SZT2: variants seen among roughly 807,000 people sequenced by gnomAD.
The protein encoded by SZT2 is SZT2 subunit of KICSTOR complex.
Under a neutral mutation model 404.2 loss-of-function variants are expected in SZT2, and 216 were observed. The observed-to-expected ratio is 0.53, with a 90% CI of 0.48 to 0.60. SZT2 has a LOEUF of 0.60. Ranked by LOEUF, SZT2 falls within the 20% of genes least tolerant of loss-of-function variation. SZT2 has a pLI of 0.00. For synonymous variants in SZT2, 1,693 were observed against 1,749.9 expected, an observed-to-expected ratio of 0.97 and a Z score of 0.81; for missense variants, 3,857 against 4,459.2, an observed-to-expected ratio of 0.86 and a Z score of 3.85.
In SZT2 at chr1:43,426,325, C is replaced by A; in HGVS notation, c.3044-43C>A. 1 of 1,512,004 alleles carries A rather than the reference C, an allele frequency of 6.6e-7. No individual in the cohort carries two copies. Among genetic ancestry groups the A allele is most frequent in the Non-Finnish European group, 8.9e-7 (1 of 1,129,766 alleles). 93.7% of individuals were successfully genotyped at this position (1,512,004 alleles called of 1,614,324 possible). ...TCAGGGCTGAGCCGGGGGCACCGGG[C>A]AGCAGGAGGCTCTTGGTGCTGAGCA... On this transcript the variant is annotated intron_variant, in intron 21 of 71. Transcript: ENST00000634258. This position sits in a 1 kb window ranked among gnomAD's most constrained non-coding sequence, Gnocchi z 4.9.
In SZT2 at chr1:43,446,165, T is replaced by G; in HGVS notation, c.8917-14T>G. 1.9e-6 allele frequency: 3 copies of G among 1,614,184 alleles called. No individual in the cohort carries two copies. Among genetic ancestry groups the G allele is most frequent in the Non-Finnish European group, 2.5e-6 (3 of 1,180,028 alleles). On this transcript the variant is annotated splice_polypyrimidine_tract_variant and intron_variant, in intron 63 of 71. Transcript: ENST00000634258. ...GTGAGCCCCCAAACCTTGCCCCCTT[T>G]TTTGTTTCTTCAGAGCACTAGCTCT...
intron 4 of SZT2, chr1:43,411,982 G>A (rs1033540768): frequency 3.9e-5 from 6 of 151,986 alleles, no homozygotes; most frequent in Non-Finnish European, 8.8e-5. Flanking sequence ...GTTTTACCAT[G>A]TTGGCCAGGC....
At position 43,438,918 on chromosome 1, in the gene SZT2, C is replaced by A. The variant is rs769736159; in HGVS notation, c.6628-11C>A. The A allele has an allele frequency of 6.2e-7, 1 of 1,614,142 alleles. No homozygotes were observed. The highest frequency in any genetic ancestry group is 8.5e-7 in the Non-Finnish European group (1 of 1,180,014). On this transcript the variant is annotated splice_polypyrimidine_tract_variant and intron_variant, in intron 47 of 71. Coordinates refer to ENST00000634258, the MANE Select transcript of SZT2 (RefSeq NM_001365999.1). ...TGCATTCAGCTCTGCCCTCTTCTTC[C>A]CACTCTGCAGTTCATCCAGCCCCCT...
rs1446077106 is a variant in SZT2, at chr1:43,426,901, C to A, written c.3309+92C>A. 1 of 1,553,292 alleles carries A rather than the reference C, an allele frequency of 6.4e-7. No individual in the cohort carries two copies. The highest frequency in any genetic ancestry group is 1.7e-5 in the Admixed American group (1 of 57,662). ...CCCCAACCTTCTACCGCCCTTGAGA[C>A]TAAATGGCATCTGCCAATGACACAA... On this transcript the variant is annotated intron_variant, in intron 23 of 71. Coordinates refer to ENST00000634258, the MANE Select transcript of SZT2 (RefSeq NM_001365999.1). This position sits in a 1 kb window ranked among gnomAD's most constrained non-coding sequence, Gnocchi z 4.9.
At chr1:43,428,696 C>G in intron 28 of SZT2, 1 of 623,296 alleles carries the variant, frequency 1.6e-6, no homozygotes, top group South Asian at 2.0e-5. Flanking sequence ...CTCCCCATCT[C>G]CCCTGCTTTG....
At chr1:43,446,631 G>C (rs776561212) in intron 65 of SZT2, 1 of 653,634 alleles carries the variant, frequency 1.5e-6, no homozygotes, top group South Asian at 1.9e-5. Flanking sequence ...AGCGTGTTCA[G>C]CTGTAGCCCT....
At chr1:43,392,834 T>C (rs1648563104) in intron 1 of SZT2, among the ~76,000 whole-genome samples, 2 of 152,194 alleles carry the variant, frequency 1.3e-5, no homozygotes, top group Non-Finnish European at 2.9e-5. Flanking sequence ...GCTGTTAGGA[T>C]CCCAAGAGAG....
chr1:43,453,671 G>T lies in SZT2; in HGVS notation c.*3191G>T. The stretch of plus-strand genomic sequence containing the variant: ...GCGCCAGCGCCTCAGGCGTCTCCGC[G>T]TACGGCCAGGCCACCTCGACGGCCT... On this transcript the variant is annotated 3_prime_UTR_variant, in exon 72 of 72. Transcript: ENST00000634258. The T allele has an allele frequency of 4.7e-6, 7 of 1,480,178 alleles. No individual in the cohort carries two copies. Among genetic ancestry groups the T allele is most frequent in the Non-Finnish European group, 6.2e-6 (7 of 1,123,748 alleles). 91.7% of individuals were successfully genotyped at this position (1,480,178 alleles called of 1,614,324 possible).
rs769417009 is a variant in SZT2 at position 43,421,267 on chromosome 1, G to A, written c.1590G>A (p.Val530=). 3 of 1,598,576 alleles carry A rather than the reference G, an allele frequency of 1.9e-6. No homozygotes were observed. Among genetic ancestry groups the A allele is most frequent in the Non-Finnish European group, 2.5e-6 (3 of 1,179,810 alleles). Residue 530 remains valine (V), a synonymous_variant, in exon 11 of 72, where the codon GTG becomes GTA. Coordinates refer to ENST00000634258, the MANE Select transcript of SZT2 (RefSeq NM_001365999.1). ...FTLPDSTKSG[V]PLFYIPPGST... is the part of the protein sequence containing the mutation. ...TTCCTGACAGCACCAAGAGCGGAGT[G>A]CCACTCTTCTACATCCCTCCAGGCT...
intron 51 of SZT2, 90 bp downstream of exon 51, chr1:43,440,138 A>AGGG: frequency 6.5e-7 from 1 of 1,542,450 alleles, no homozygotes; most frequent in Non-Finnish European, 8.8e-7. Flanking sequence ...GGTGGGGTTT[A>AGGG]GGGGAAGCAT....
chr1:43,451,558 TGGA>T lies in SZT2; in HGVS notation c.*1079_*1081del, dbSNP rs1656424304. On this transcript the variant is annotated 3_prime_UTR_variant, in exon 72 of 72. Coordinates refer to ENST00000634258, the MANE Select transcript of SZT2 (RefSeq NM_001365999.1). ...CCTGCACATGCCCTGGGGACAGATG[TGGA>T]CAAATGTGGGGTCCAGGCTCCTGCC... is the stretch of plus-strand genomic sequence containing the variant. 17 of 1,613,342 alleles carry T rather than the reference TGGA, an allele frequency of 1.1e-5. No homozygotes were observed. Among genetic ancestry groups the T allele is most frequent in the Non-Finnish European group, 1.4e-5 (16 of 1,179,600 alleles).
In SZT2 at chr1:43,442,832, T is replaced by C. The variant is rs758739570; in HGVS notation, c.8165T>C (p.Phe2722Ser). ...TCCATCTCTCAGGAGCCAAACCCAT[T>C]CCTGCTGCCGACCATGGAAGTGGAG... is the stretch of plus-strand genomic sequence containing the variant. ...PVRDEKEPNP[F>S]LLPTMEVETL... is the part of the protein sequence containing the mutation. Residue 2722 changes from phenylalanine (F) to serine (S), a missense_variant, in exon 59 of 72, where the codon TTC becomes TCC. Transcript: ENST00000634258. The surrounding 1 kb of genome is among the most constrained non-coding windows in gnomAD (Gnocchi z 4.5). The C allele has an allele frequency of 6.2e-5, 100 of 1,604,582 alleles. No individual in the cohort carries two copies. Among genetic ancestry groups the C allele is most frequent in the Non-Finnish European group, 8.1e-5 (95 of 1,174,768 alleles).
chr1:43,421,075 G>A, intron 10 of SZT2, 92 bp downstream of exon 10: 1 of 1,594,890 alleles, frequency 6.3e-7, no homozygotes, highest in Non-Finnish European at 8.5e-7. Context: ...ATCACCCAGA[G>A]AACCAGGCTT....
At position 43,426,656 on chromosome 1, in the gene SZT2, C is replaced by G; in HGVS notation, c.3215-59C>G. 5 of 1,527,422 alleles carry G rather than the reference C, an allele frequency of 3.3e-6. No individual in the cohort carries two copies. The highest frequency in any genetic ancestry group is 4.4e-6 in the Non-Finnish European group (5 of 1,126,804). The allele number at this position is 1,527,422 out of a possible 1,614,324, so 94.6% of individuals were successfully genotyped here. On this transcript the variant is annotated intron_variant, in intron 22 of 71. Transcript: ENST00000634258. The surrounding 1 kb of genome is among the most constrained non-coding windows in gnomAD (Gnocchi z 4.9). The stretch of plus-strand genomic sequence containing the variant: ...CCCCTTCCTCCCCCTTTCTTCAACC[C>G]AGAGTCCCGCCTCTCTGCTGGCCCT...
At position 43,441,829 on chromosome 1, in the gene SZT2, A is replaced by C. The variant is rs775149011; in HGVS notation, c.7742+11A>C. ...CTTTGAGCAGCATTTGTGAGTGTAGATCCTATAGAATTGAAGGGAACTCCC... is the reference window on the plus strand; with the variant it reads ...CTTTGAGCAGCATTTGTGAGTGTAGCTCCTATAGAATTGAAGGGAACTCCC... On this transcript the variant is annotated intron_variant, in intron 55 of 71. Coordinates refer to ENST00000634258, the MANE Select transcript of SZT2 (RefSeq NM_001365999.1). This position sits in a 1 kb window ranked among gnomAD's most constrained non-coding sequence, Gnocchi z 4.8. 1 of 1,613,672 alleles carries C rather than the reference A, an allele frequency of 6.2e-7. No individual in the cohort carries two copies.
At position 43,439,919 on chromosome 1, in the gene SZT2, G is replaced by GA; in HGVS notation, c.7085dup (p.Asn2364GlufsTer3). On this transcript the variant is annotated frameshift_variant, in exon 51 of 72. Transcript: ENST00000634258. LOFTEE classifies it high-confidence loss of function. This position sits in a 1 kb window ranked among gnomAD's most constrained non-coding sequence, Gnocchi z 4.2. ...CCCACGGCTTCGATTGGATGTGTGG[G>GA]AAAAGGGGAACATTAGTATTGTGCA... is the stretch of plus-strand genomic sequence containing the variant. 6.2e-7 allele frequency: 1 copy of GA among 1,611,168 alleles called. No individual in the cohort carries two copies. Among genetic ancestry groups the GA allele is most frequent in the Non-Finnish European group, 8.5e-7 (1 of 1,178,406 alleles).
At position 43,420,685 on chromosome 1, in the gene SZT2, G is replaced by A; in HGVS notation, c.1262-64G>A. The A allele has an allele frequency of 1.3e-6, 2 of 1,488,916 alleles. No homozygotes were observed. Among genetic ancestry groups the A allele is most frequent in the South Asian group, 2.3e-5 (2 of 85,476 alleles). 92.2% of individuals were successfully genotyped at this position (1,488,916 alleles called of 1,614,324 possible). On this transcript the variant is annotated intron_variant, in intron 9 of 71. Transcript: ENST00000634258. The surrounding 1 kb of genome is among the most constrained non-coding windows in gnomAD (Gnocchi z 5.1). ...ATGAGGTAGGTGGGGGTTTCAGATAGAACTCGATCCCAGGCCTAGAGTCCT... is the reference window on the plus strand; with the variant it reads ...ATGAGGTAGGTGGGGGTTTCAGATAAAACTCGATCCCAGGCCTAGAGTCCT...
rs1426817781 is a variant in SZT2, at chr1:43,433,071, T to A, written c.5685T>A (p.Thr1895=). The change falls in exon 40 of 72, where the codon ACT becomes ACA. Residue 1895 remains threonine, a synonymous_variant. Coordinates refer to ENST00000634258, the MANE Select transcript of SZT2 (RefSeq NM_001365999.1). ...AGAAGGCCCCCTTCACATTGCGGAC[T>A]CCACCTGGGCCAGCACCTCCACAGC... ...LGEKAPFTLR[T]PPGPAPPQPS... 6.2e-7 allele frequency: 1 copy of A among 1,614,112 alleles called. No homozygotes were observed. The highest frequency in any genetic ancestry group is 1.1e-5 in the South Asian group (1 of 91,064).
At chr1:43,431,932 C>T (rs1276557306) in intron 36 of SZT2, 31 bp downstream of exon 36, 2 of 1,611,648 alleles carry the variant, frequency 1.2e-6, no homozygotes, top group South Asian at 1.1e-5. Context: ...TGCAGGGTCA[C>T]CTTGGGGCCC....
Sources: allele counts gnomAD v4.1 joint callset (sites outside exome capture counted in the v4.1 genomes callset), GRCh38; gene constraint gnomAD v4.1.1; non-coding constraint Gnocchi (gnomAD v3.1); transcripts MANE v1.5; gene names NCBI Gene and HGNC (gene_info 2026-07-23, HGNC 2026-07-21).